Variants in RNASE10 observed in about 807,000 individuals in gnomAD.
RNASE10 encodes inactive ribonuclease-like protein 10.
Under a neutral mutation model 1.1 loss-of-function variants are expected in RNASE10, and 2 were observed. The observed-to-expected ratio is 1.82, with a 90% CI of 0.74 to 5.73. The LOEUF is 5.73. RNASE10 is among the 30% of genes most tolerant of loss of function. The pLI is 0.05. For synonymous variants in RNASE10, 97 were observed against 96.2 expected (o/e 1.01, Z -0.05); for missense variants, 276 against 263.4 (o/e 1.05, Z -0.33).
intron 1 of RNASE10, among the ~76,000 whole-genome samples, chr14:20,509,585 A>C (rs549459364): frequency 6.6e-6 from 1 of 152,322 alleles, no homozygotes; most frequent in South Asian, 2.1e-4. Flanking sequence ...GTAAGAATGG[A>C]CTGTGGTACT....
intron 1 of RNASE10, among the ~76,000 whole-genome samples, chr14:20,508,049 C>A (rs551536625): frequency 9.9e-5 from 15 of 152,238 alleles, no homozygotes; most frequent in African/African-American, 3.6e-4. Context: ...TGCGCCCAGG[C>A]CCCCTATTTA....
In RNASE10 at chr14:20,508,718, T is replaced by G. The variant is rs371410851; in HGVS notation, c.80-1749T>G. On this transcript the variant is annotated intron_variant, in intron 1 of 1. Transcript: ENST00000430083. Reference sequence around the variant, plus strand: ...TGGTAAAATCTACAGTAAGAAAGAATCTTTTATCTGCAAATTTTGAACAGT... The same window carrying G: ...TGGTAAAATCTACAGTAAGAAAGAAGCTTTTATCTGCAAATTTTGAACAGT... Among the ~76,000 whole-genome samples the G allele has an allele frequency of 3.5e-4, 53 of 152,302 alleles. No homozygotes were observed. The East Asian group carries it at 9.3e-3, about 27-fold the overall frequency.
chr14:20,508,572 G>A (rs1882811123), intron 1 of RNASE10, among the ~76,000 whole-genome samples: 1 of 152,076 alleles, frequency 6.6e-6, no homozygotes. Flanking sequence ...GCCGCAAAGT[G>A]CAAGAATGAT....
chr14:20,504,341 T>C (rs1390098244), upstream of RNASE10, among the ~76,000 whole-genome samples: 3 of 152,220 alleles, frequency 2.0e-5, no homozygotes, highest in Non-Finnish European at 4.4e-5. Flanking sequence ...CAGCTGCTTA[T>C]GCATGTACGT....
At chr14:20,504,619 C>T (rs1367036200), upstream of RNASE10, among the ~76,000 whole-genome samples, 12 of 136,806 alleles carry the variant, frequency 8.8e-5, no homozygotes, top group East Asian at 1.8e-3. Context: ...ACCTGGGAGG[C>T]GGAGCTTGCA....
At chr14:20,505,302 C>T (rs1438766413), upstream of RNASE10, among the ~76,000 whole-genome samples, 1 of 76,374 alleles carries the variant, frequency 1.3e-5, no homozygotes, top group Admixed American at 1.4e-4. Flanking sequence ...CTCCCTCTCC[C>T]TCTCCCTCTC....
At position 20,510,956 on chromosome 14, in the gene RNASE10, AG is replaced by A; in HGVS notation, c.575del (p.Gly192GlufsTer12). ...AGTCCTGTCATTGCCTGTGAGCTCA[AG>A]GGGGGAAAATGTCACAAAAGCTCCC... is the stretch of plus-strand genomic sequence containing the variant. On this transcript the variant is annotated frameshift_variant, in exon 2 of 2. Coordinates refer to ENST00000430083, the Ensembl canonical transcript of RNASE10. LOFTEE classifies it low-confidence loss of function (END_TRUNC). 6.2e-7 allele frequency: 1 copy of A among 1,607,004 alleles called. No individual in the cohort carries two copies. Among genetic ancestry groups the A allele is most frequent in the South Asian group, 1.1e-5 (1 of 90,678 alleles).
intron 1 of RNASE10, among the ~76,000 whole-genome samples, chr14:20,508,563 C>T (rs1282028784): frequency 6.6e-6 from 1 of 152,078 alleles, no homozygotes; most frequent in Non-Finnish European, 1.5e-5. Context: ...CTAGTAATAG[C>T]CGCAAAGTGC....
At chr14:20,512,179 A>G (rs1882914556), downstream of RNASE10, among the ~76,000 whole-genome samples, 1 of 152,202 alleles carries the variant, frequency 6.6e-6, no homozygotes, top group Non-Finnish European at 1.5e-5. Flanking sequence ...TCTTTTTCTC[A>G]TTTAGCATCG....
rs1260803403 is a variant in RNASE10, at chr14:20,506,219, G to A, written c.79+200G>A. On this transcript the variant is annotated intron_variant, in intron 1 of 1. Coordinates refer to ENST00000430083, the Ensembl canonical transcript of RNASE10. ...AGCCCCCCGCCCGGCCAGCCGCCCC[G>A]TCCGGGAGGTGAGGGGCTCCTCTGC... 5.6e-3 allele frequency among the ~76,000 whole-genome samples: 660 copies of A among 117,694 alleles called. 1 individual carries two copies. Among genetic ancestry groups the A allele is most frequent in the East Asian group, 0.019 (65 of 3,496 alleles). 77.2% of individuals were successfully genotyped at this position (117,694 alleles called of 152,430 possible).
At chr14:20,509,143 G>A (rs766625551) in intron 1 of RNASE10, among the ~76,000 whole-genome samples, 7 of 152,214 alleles carry the variant, frequency 4.6e-5, no homozygotes, top group Non-Finnish European at 8.8e-5. Context: ...GCCTTCTCAC[G>A]GGTTCAAGCA....
rs141662865 is a variant in RNASE10 at position 20,510,619 on chromosome 14, C to T, written c.232C>T (p.Gln78Ter). The T allele has an allele frequency of 2.5e-5, 40 of 1,614,052 alleles. No homozygotes were observed. The highest frequency in any genetic ancestry group is 2.4e-4 in the African/African-American group (18 of 74,914). The change falls in exon 2 of 2, where the codon CAG becomes TAG. Residue 78 changes from glutamine (Q) to a stop codon, truncating the protein, a stop_gained. Transcript: ENST00000430083. LOFTEE classifies it low-confidence loss of function (END_TRUNC). ...CAATGAATTTTGGTCCAGTGACTCACAGGACAAAGCTGAGGCCACTGAGGA... is the reference window on the plus strand; with the variant it reads ...CAATGAATTTTGGTCCAGTGACTCATAGGACAAAGCTGAGGCCACTGAGGA...
chr14:20,506,582 T>C (rs1594439671), intron 1 of RNASE10, among the ~76,000 whole-genome samples: 1 of 97,800 alleles, frequency 1.0e-5, no homozygotes, highest in Non-Finnish European at 2.0e-5. Context: ...GAGGAGCCCC[T>C]CTGCCCGGCC....
At chr14:20,506,771 T>G (rs1313691040) in intron 1 of RNASE10, among the ~76,000 whole-genome samples, 5 of 74,030 alleles carry the variant, frequency 6.8e-5, no homozygotes, top group Non-Finnish European at 8.0e-5. Flanking sequence ...GTGGGGGGGG[T>G]CAGCCCCCCG....
chr14:20,507,510 A>G (rs1252208608), intron 1 of RNASE10, among the ~76,000 whole-genome samples: 1 of 137,616 alleles, frequency 7.3e-6, no homozygotes, highest in African/African-American at 2.9e-5. Flanking sequence ...TAGGAAAACC[A>G]GAGACCTTTG....
downstream of RNASE10, chr14:20,511,205 T>C (rs750753879): frequency 6.3e-6 from 7 of 1,119,700 alleles, no homozygotes; most frequent in African/African-American, 1.6e-5. Flanking sequence ...GTTCTCCTGA[T>C]CTTAGGTATC....
chr14:20,510,783 G>T, exon 2 of RNASE10: 1 of 1,614,198 alleles, frequency 6.2e-7, no homozygotes, highest in African/African-American at 1.3e-5. Context: ...CTCTCTTTCA[G>T]AGCAACAAAG....
At chr14:20,510,656 C>T (rs2139371276) in exon 2 of RNASE10, 1 of 1,614,156 alleles carries the variant, frequency 6.2e-7, no homozygotes, top group East Asian at 2.2e-5. Flanking sequence ...GGAGACGGCA[C>T]CCAAACCACA....
At chr14:20,507,167 A>G (rs1426241380) in intron 1 of RNASE10, among the ~76,000 whole-genome samples, 5 of 144,912 alleles carry the variant, frequency 3.5e-5, no homozygotes, top group African/African-American at 5.3e-5. Flanking sequence ...TTTGTGGAAT[A>G]GAAAGGCGGG....
Sources: gnomAD v4.1 joint callset for allele counts (sites outside exome capture counted in the v4.1 genomes callset) on GRCh38, gnomAD v4.1.1 for gene constraint, MANE v1.5 for transcripts, NCBI Gene and HGNC (gene_info 2026-07-23, HGNC 2026-07-21) for gene names.